CHN2: variants seen among roughly 807,000 people sequenced by gnomAD.
CHN2 encodes the protein beta-chimaerin.
In CHN2, 35 loss-of-function variants were observed where a neutral mutation model predicts 56.3. The ratio of observed to expected loss-of-function variants is 0.62; its 90% CI spans 0.47 to 0.82. The LOEUF (loss-of-function observed/expected upper bound fraction) is 0.82, where lower values mean the gene tolerates loss of function less well. CHN2 is among the 40% of genes least tolerant of loss of function. The pLI is 0.00. For synonymous variants in CHN2, 210 were observed against 212.8 expected (o/e 0.99, Z 0.12); for missense variants, 491 against 580.5 (o/e 0.85, Z 1.58).
At chr7:29,378,311 A>G (rs534967877) in intron 3 of CHN2, among the ~76,000 whole-genome samples, 1 of 152,332 alleles carries the variant, frequency 6.6e-6, no homozygotes, top group South Asian at 2.1e-4. Flanking sequence ...AAGAGCATGA[A>G]CAAGGAATGA....
chr7:29,203,009 A>G (rs955874023), intron 1 of CHN2, among the ~76,000 whole-genome samples: 10 of 152,226 alleles, frequency 6.6e-5, no homozygotes, highest in Admixed American at 3.9e-4. Flanking sequence ...CCAGTGTGAC[A>G]GCCACATGTG....
At chr7:29,259,236 G>C (rs1409211039) in intron 1 of CHN2, among the ~76,000 whole-genome samples, 1 of 151,912 alleles carries the variant, frequency 6.6e-6, no homozygotes, top group South Asian at 2.1e-4. Context: ...GCTGAGGTGG[G>C]AGAATTACTT....
intron 1 of CHN2, among the ~76,000 whole-genome samples, chr7:29,221,683 C>T (rs1411036199): frequency 2.0e-5 from 3 of 152,168 alleles, no homozygotes; most frequent in African/African-American, 7.2e-5. Flanking sequence ...CATTGTTCAG[C>T]TCCTATTTAA....
At chr7:29,413,447 C>A (rs552480690) in intron 6 of CHN2, among the ~76,000 whole-genome samples, 12 of 152,290 alleles carry the variant, frequency 7.9e-5, no homozygotes, top group African/African-American at 2.9e-4. Context: ...GAAAATAATT[C>A]ATGATATAAG....
At chr7:29,226,133 G>C (rs1241780736) in intron 1 of CHN2, among the ~76,000 whole-genome samples, 1 of 152,108 alleles carries the variant, frequency 6.6e-6, no homozygotes, top group African/African-American at 2.4e-5. Flanking sequence ...AAAAAACACA[G>C]AACAATGAGC....
chr7:29,399,542 G>A (rs1802034169), intron 5 of CHN2, among the ~76,000 whole-genome samples: 2 of 152,072 alleles, frequency 1.3e-5, no homozygotes, highest in South Asian at 2.1e-4. Flanking sequence ...TTTGATCCTC[G>A]CCGTAGCCCT....
At chr7:29,427,095 A>T (rs1204253436) in intron 6 of CHN2, among the ~76,000 whole-genome samples, 13 of 152,206 alleles carry the variant, frequency 8.5e-5, no homozygotes, top group Admixed American at 8.5e-4. Context: ...AGGTGGGTGG[A>T]TCACTTGAGG....
At chr7:29,358,548 C>T (rs945195966) in intron 2 of CHN2, among the ~76,000 whole-genome samples, 1 of 152,032 alleles carries the variant, frequency 6.6e-6, no homozygotes, top group South Asian at 2.1e-4. Flanking sequence ...CTGCAAGCCC[C>T]GCCTCCCGAG....
chr7:29,476,362 C>A (rs1464288397), intron 6 of CHN2, among the ~76,000 whole-genome samples: 2 of 151,794 alleles, frequency 1.3e-5, no homozygotes, highest in Non-Finnish European at 2.9e-5. Context: ...CATGGTGAAA[C>A]CCCATCTCTA....
intron 1 of CHN2, among the ~76,000 whole-genome samples, chr7:29,268,128 C>G (rs978506061): frequency 6.6e-6 from 1 of 152,024 alleles, no homozygotes; most frequent in African/African-American, 2.4e-5. Context: ...ACTCCTGAAA[C>G]TAAGGGTGTG....
chr7:29,320,934 A>G (rs1399495753), intron 1 of CHN2, among the ~76,000 whole-genome samples: 1 of 152,212 alleles, frequency 6.6e-6, no homozygotes, highest in African/African-American at 2.4e-5. Context: ...CAGAATCTGA[A>G]TCACTTAAAA....
At chr7:29,383,301 A>G (rs1483303813) in intron 3 of CHN2, among the ~76,000 whole-genome samples, 8 of 152,120 alleles carry the variant, frequency 5.3e-5, no homozygotes, top group African/African-American at 4.8e-5. Context: ...TCTCGAGCTG[A>G]TGGTGTTGAT....
intron 6 of CHN2, among the ~76,000 whole-genome samples, chr7:29,407,161 C>T (rs1423456926): frequency 6.6e-6 from 1 of 152,158 alleles, no homozygotes; most frequent in African/African-American, 2.4e-5. Flanking sequence ...TGCAACCCTT[C>T]TGTTTTGCAG....
intron 1 of CHN2, among the ~76,000 whole-genome samples, chr7:29,255,314 C>T (rs1021415060): frequency 1.2e-4 from 18 of 152,184 alleles, no homozygotes; most frequent in African/African-American, 3.9e-4. Flanking sequence ...AGCCCCATCC[C>T]GGCAGAGTCA....
intron 1 of CHN2, among the ~76,000 whole-genome samples, chr7:29,269,262 A>G (rs1229663782): frequency 6.6e-6 from 1 of 152,074 alleles, no homozygotes; most frequent in Non-Finnish European, 1.5e-5. Flanking sequence ...CATGAGTTCA[A>G]CTTTTTTTTA....
intron 1 of CHN2, among the ~76,000 whole-genome samples, chr7:29,299,651 A>T (rs986527684): frequency 6.6e-6 from 1 of 152,198 alleles, no homozygotes; most frequent in Non-Finnish European, 1.5e-5. Context: ...ATTAATGCAC[A>T]TGACTCAAAA....
intron 1 of CHN2, among the ~76,000 whole-genome samples, chr7:29,339,716 G>A (rs1796896652): frequency 6.6e-6 from 1 of 152,040 alleles, no homozygotes; most frequent in Non-Finnish European, 1.5e-5. Context: ...AGCCAGGCAT[G>A]ATGGCACGTG....
intron 1 of CHN2, among the ~76,000 whole-genome samples, chr7:29,301,412 C>CT (rs774951754): frequency 6.6e-6 from 1 of 151,154 alleles, no homozygotes. Context: ...CATCTGGAAT[C>CT]TAAGTGCAGC....
intron 3 of CHN2, among the ~76,000 whole-genome samples, chr7:29,370,315 A>G (rs1799507393): frequency 1.3e-5 from 2 of 152,180 alleles, no homozygotes; most frequent in Admixed American, 6.5e-5. Context: ...ACACACTTGC[A>G]TGCTTGGGAG....
Sources: allele counts gnomAD v4.1 joint callset (sites outside exome capture counted in the v4.1 genomes callset), GRCh38; gene constraint gnomAD v4.1.1; transcripts MANE v1.5; gene names NCBI Gene and HGNC (gene_info 2026-07-23, HGNC 2026-07-21).